Variants in SPTBN4 observed in about 807,000 individuals in gnomAD.
SPTBN4 encodes the protein spectrin beta chain, non-erythrocytic 4.
In SPTBN4, 96 loss-of-function variants were observed where a neutral mutation model predicts 277.8. The ratio of observed to expected loss-of-function variants is 0.35; its 90% CI spans 0.29 to 0.41. The LOEUF (loss-of-function observed/expected upper bound fraction) is 0.41. Ranked by LOEUF, SPTBN4 falls within the 10% of genes least tolerant of loss-of-function variation. The pLI is 1.00. For missense variants in SPTBN4, 3,006 were observed against 3,595.7 expected, an observed-to-expected ratio of 0.84 and a Z score of 4.19; for synonymous variants, 1,481 against 1,580.3, an observed-to-expected ratio of 0.94 and a Z score of 1.49.
At chr19:40,535,601 C>T (rs2080726227) in intron 20 of SPTBN4, among the ~76,000 whole-genome samples, 1 of 151,154 alleles carries the variant, frequency 6.6e-6, no homozygotes, top group South Asian at 2.1e-4. Flanking sequence ...CATAATGACA[C>T]TGATTAGTAT....
intron 2 of SPTBN4, among the ~76,000 whole-genome samples, chr19:40,479,702 A>ATATATATATATATATT (rs1303572950): frequency 6.4e-4 from 92 of 144,416 alleles, no homozygotes; most frequent in African/African-American, 2.2e-3. Context: ...ATATATATAT[A>ATATATATATATATATT]TTTAACTTTT....
rs1414794752 is a variant in SPTBN4 at position 40,506,339 on chromosome 19, G to T, written c.1769G>T (p.Arg590Leu). 1.2e-6 allele frequency: 2 copies of T among 1,614,068 alleles called. No individual in the cohort carries two copies. The highest frequency in any genetic ancestry group is 3.3e-5 in the Admixed American group (2 of 60,016). Residue 590 changes from arginine to leucine, a missense_variant, in exon 13 of 36, where the codon CGG (arginine) becomes CTG (leucine). This residue lies in a region of SPTBN4 where 1,759 missense variants were observed against 2,061.5 expected (regional missense o/e 0.85). Coordinates refer to ENST00000598249, the MANE Select transcript of SPTBN4 (RefSeq NM_020971.3). ...LEGDIAAQSE[R>L]VEALNAAALR... ...GGAGACATTGCCGCCCAGAGCGAGC[G>T]GGTGGAGGCTCTCAATGCCGCTGCC...
At chr19:40,488,603 C>A (rs966027226) in intron 3 of SPTBN4, among the ~76,000 whole-genome samples, 8 of 152,046 alleles carry the variant, frequency 5.3e-5, no homozygotes, top group Non-Finnish European at 1.0e-4. Context: ...ACAGCCCGGG[C>A]AACATAATGA....
intron 20 of SPTBN4, among the ~76,000 whole-genome samples, chr19:40,536,362 T>C (rs532578266): frequency 8.5e-5 from 13 of 152,178 alleles, no homozygotes; most frequent in South Asian, 4.2e-4. Flanking sequence ...TACAGGCATG[T>C]GCCACCACAC....
intron 20 of SPTBN4, among the ~76,000 whole-genome samples, chr19:40,536,570 C>T (rs1301590811): frequency 6.6e-6 from 1 of 152,102 alleles, no homozygotes; most frequent in Non-Finnish European, 1.5e-5. Context: ...GTCTCCAGGA[C>T]CCCCCTTACA....
chr19:40,512,869 A>G lies in SPTBN4; in HGVS notation c.2080A>G (p.Thr694Ala). Residue 694 changes from threonine to alanine, a missense_variant, in exon 14 of 36, where the codon ACA becomes GCA. Transcript: ENST00000598249. ...GGGCGGCGCGCATGACCTGTCCAGC[A>G]CAGCGCGCCTCCTGGCCCAGCACAA... ...TAGGAHDLSS[T>A]ARLLAQHKIL... is the part of the protein sequence containing the mutation. The G allele has an allele frequency of 6.9e-7, 1 of 1,448,582 alleles. No homozygotes were observed. The highest frequency in any genetic ancestry group is 9.0e-7 in the Non-Finnish European group (1 of 1,113,104). The allele number at this position is 1,448,582 out of a possible 1,614,324, so 89.7% of individuals were successfully genotyped here.
chr19:40,568,193 G>C lies in SPTBN4; in HGVS notation c.6867G>C (p.Met2289Ile). The change falls in exon 31 of 36, where the codon ATG becomes ATC. Residue 2289 changes from methionine (M) to isoleucine (I), a missense_variant. Physicochemically the swap from Met to Ile is conservative, Grantham distance 10. Transcript: ENST00000598249. The part of the protein sequence containing the change: ...HSLTLGRYEQ[M>I]ERRRERRERR... ...TTACCCTGGGCCGCTATGAGCAGAT[G>C]GAGCGGCGGCGCGAGCGGCGTGAGC... is the stretch of plus-strand genomic sequence containing the variant. The C allele has an allele frequency of 6.3e-7, 1 of 1,596,156 alleles. No individual in the cohort carries two copies. The highest frequency in any genetic ancestry group is 1.3e-5 in the African/African-American group (1 of 74,700).
In SPTBN4 at chr19:40,490,434, T is replaced by C. The variant is rs910019189; in HGVS notation, c.495+186T>C. On this transcript the variant is annotated intron_variant, in intron 4 of 35. Transcript: ENST00000598249. The surrounding 1 kb of genome is among the most constrained non-coding windows in gnomAD (Gnocchi z 4.3). ...ATCACCACCATCACGATAATCATTTTGTATCGACCCTGTTCCAAACACTGT... is the reference window on the plus strand; with the variant it reads ...ATCACCACCATCACGATAATCATTTCGTATCGACCCTGTTCCAAACACTGT... Among the ~76,000 whole-genome samples, 2 of 152,210 alleles carry C rather than the reference T, an allele frequency of 1.3e-5. No homozygotes were observed. Among genetic ancestry groups the C allele is most frequent in the Non-Finnish European group, 2.9e-5 (2 of 68,028 alleles).
chr19:40,497,640 T>TG, intron 7 of SPTBN4, 36 bp downstream of exon 7: 1 of 1,562,382 alleles, frequency 6.4e-7, no homozygotes, highest in South Asian at 1.1e-5. Context: ...GACTTCGTCT[T>TG]GGGGGACTCC....
At chr19:40,556,995 T>TG in intron 25 of SPTBN4, 28 bp from the exon 26 acceptor site, 3 of 1,484,798 alleles carry the variant, frequency 2.0e-6, no homozygotes, top group African/African-American at 1.6e-5. Flanking sequence ...CACTTTGCTG[T>TG]ACCCCCCCCC....
chr19:40,510,690 C>T (rs1316295164), intron 13 of SPTBN4, among the ~76,000 whole-genome samples: 1 of 152,144 alleles, frequency 6.6e-6, no homozygotes, highest in Non-Finnish European at 1.5e-5. Context: ...ACAGAAATCC[C>T]GCATTCCACA....
Position 40,493,056 on chromosome 19 carries a change from T to C in SPTBN4, c.587+2T>C, listed in dbSNP as rs748621539. On this transcript the variant is annotated splice_donor_variant, in intron 5 of 35. Transcript: ENST00000598249. LOFTEE classifies it high-confidence loss of function. ...GTGGTGTCAGATGAAGACAGCTGGG[T>C]AAGCACCCCCACCACCTTCCTTAGG... 2 of 1,613,938 alleles carry C rather than the reference T, an allele frequency of 1.2e-6. No individual in the cohort carries two copies. The highest frequency in any genetic ancestry group is 1.1e-5 in the South Asian group (1 of 91,076).
At chr19:40,491,738 A>AAAAAAT (rs2080139191) in intron 4 of SPTBN4, among the ~76,000 whole-genome samples, 2 of 147,040 alleles carry the variant, frequency 1.4e-5, no homozygotes, top group African/African-American at 2.5e-5. Context: ...AAAAAAAAAA[A>AAAAAAT]GTGACCGGGC....
At chr19:40,470,990 C>T (rs893560877) in intron 1 of SPTBN4, among the ~76,000 whole-genome samples, 1 of 151,176 alleles carries the variant, frequency 6.6e-6, no homozygotes, top group African/African-American at 2.4e-5. Context: ...TGCTCTGTCT[C>T]CCAGGCTGGA....
At chr19:40,506,142 G>A in intron 12 of SPTBN4, 94 bp from the exon 13 acceptor site, 1 of 1,482,098 alleles carries the variant, frequency 6.7e-7, no homozygotes, top group Non-Finnish European at 9.1e-7. Flanking sequence ...GGGAGTGATG[G>A]TGCAGAGTAG....
chr19:40,572,829 A>T (rs1345828335), intron 35 of SPTBN4, among the ~76,000 whole-genome samples: 1 of 152,290 alleles, frequency 6.6e-6, no homozygotes, highest in East Asian at 1.9e-4. Context: ...GCATGGTGGC[A>T]GGTGCCTTAA....
intron 17 of SPTBN4, among the ~76,000 whole-genome samples, chr19:40,524,038 C>T (rs964551635): frequency 1.3e-5 from 2 of 152,114 alleles, no homozygotes; most frequent in Non-Finnish European, 2.9e-5. Flanking sequence ...CTTGACCACC[C>T]ACCTTGGCCT....
chr19:40,499,007 A>C (rs912513307), intron 7 of SPTBN4, among the ~76,000 whole-genome samples: 1 of 151,368 alleles, frequency 6.6e-6, no homozygotes, highest in Non-Finnish European at 1.5e-5. Context: ...TGGACGTTTT[A>C]TTTATTTATT....
chr19:40,511,096 A>G (rs980172393), intron 13 of SPTBN4, among the ~76,000 whole-genome samples: 5 of 152,074 alleles, frequency 3.3e-5, no homozygotes, highest in Non-Finnish European at 5.9e-5. Context: ...ACAGGCTAAC[A>G]CAGAGGTTTT....
Sources: gnomAD v4.1 joint callset for allele counts (sites outside exome capture counted in the v4.1 genomes callset) on GRCh38, gnomAD v4.1.1 for gene constraint, gnomAD v4.1.1 regional missense constraint, Gnocchi (gnomAD v3.1) non-coding constraint, MANE v1.5 for transcripts, NCBI Gene and HGNC (gene_info 2026-07-23, HGNC 2026-07-21) for gene names.